Variants in SCEL observed in about 807,000 individuals in gnomAD.
SCEL encodes the protein sciellin.
A neutral mutation model predicts 117.6 loss-of-function variants in SCEL; 113 were observed. That is an observed-to-expected ratio of 0.96 (90% CI 0.83 to 1.12). The LOEUF is 1.12. SCEL is among the 50% of genes most tolerant of loss of function. The probability of loss-of-function intolerance (pLI) is 0.00; values close to 1 mark genes in which losing one functional copy is unlikely to be tolerated. For missense variants in SCEL, 785 were observed against 810.8 expected (o/e 0.97, Z 0.39); for synonymous variants, 270 against 256.2 (o/e 1.05, Z -0.51).
intron 1 of SCEL, among the ~76,000 whole-genome samples, chr13:77,550,394 A>ATATATATATATATATTATG (rs2084244624): frequency 6.9e-6 from 1 of 145,220 alleles, no homozygotes; most frequent in Admixed American, 6.9e-5. Context: ...TAAAATATAT[A>ATATATATATATATATTATG]TATATATATA....
intron 28 of SCEL, among the ~76,000 whole-genome samples, chr13:77,628,374 A>T (rs912410182): frequency 2.0e-5 from 3 of 151,950 alleles, no homozygotes; most frequent in Admixed American, 1.3e-4. Flanking sequence ...TTGCTTGGTA[A>T]GCTCTCAGCA....
chr13:77,567,325 G>A (rs1038563607), intron 5 of SCEL, among the ~76,000 whole-genome samples: 6 of 152,082 alleles, frequency 3.9e-5, no homozygotes, highest in Non-Finnish European at 8.8e-5. Flanking sequence ...GTAGGGGTGC[G>A]TGCCTGTAGT....
chr13:77,621,299 T>A (rs1458742773), intron 27 of SCEL, among the ~76,000 whole-genome samples: 1 of 152,206 alleles, frequency 6.6e-6, no homozygotes, highest in Admixed American at 6.5e-5. Flanking sequence ...ATCTGGCATC[T>A]ATGGGCTTTC....
chr13:77,568,664 C>G (rs979205696), intron 7 of SCEL, among the ~76,000 whole-genome samples: 2 of 152,032 alleles, frequency 1.3e-5, no homozygotes, highest in African/African-American at 4.8e-5. Context: ...TTAACCCTTC[C>G]TCCACACCTC....
At chr13:77,553,649 C>G (rs1220992406) in intron 1 of SCEL, among the ~76,000 whole-genome samples, 1 of 152,026 alleles carries the variant, frequency 6.6e-6, no homozygotes, top group Non-Finnish European at 1.5e-5. Flanking sequence ...TGCTCAGCTG[C>G]CCAAGTTCAA....
Position 77,603,078 on chromosome 13 carries a change from G to A in SCEL, c.1040G>A (p.Ser347Asn), listed in dbSNP as rs2087836611. 1 of 1,536,482 alleles carries A rather than the reference G, an allele frequency of 6.5e-7. No homozygotes were observed. The highest frequency in any genetic ancestry group is 8.8e-7 in the Non-Finnish European group (1 of 1,137,250). ...GATATAAACTTTTTTTTTTAAAGAAGTGAAGACCTTGATAATGCTACTGAA... is the reference window on the plus strand; with the variant it reads ...GATATAAACTTTTTTTTTTAAAGAAATGAAGACCTTGATAATGCTACTGAA... ...NARMNKTSRR[S>N]EDLDNATEVN... The change falls in exon 18 of 33, where the codon AGT becomes AAT. Residue 347 changes from serine to asparagine, a missense_variant and splice_region_variant. Transcript: ENST00000349847.
rs753902213 is a variant in SCEL at position 77,559,812 on chromosome 13, A to T, written c.170A>T (p.Asn57Ile). ...KKRPEEEKDENYGRVVLNRHN... is the reference protein window; with the variant it reads ...KKRPEEEKDEIYGRVVLNRHN... Reference sequence around the variant, plus strand: ...TTGTTCTTTCTTTGCAGAGATGAAAATTACGGTAGGGTGGTGCTCAACCGA... The same window carrying T: ...TTGTTCTTTCTTTGCAGAGATGAAATTTACGGTAGGGTGGTGCTCAACCGA... The change falls in exon 4 of 33, where the codon AAT becomes ATT. Residue 57 changes from asparagine to isoleucine, a missense_variant. Coordinates refer to ENST00000349847, the MANE Select transcript of SCEL (RefSeq NM_144777.3). The T allele has an allele frequency of 6.2e-6, 10 of 1,613,602 alleles. No individual in the cohort carries two copies. The Admixed American group carries it at 1.5e-4, about 24-fold the overall frequency.
intron 27 of SCEL, among the ~76,000 whole-genome samples, chr13:77,622,043 A>G (rs772985889): frequency 1.3e-5 from 2 of 152,202 alleles, no homozygotes; most frequent in Admixed American, 6.5e-5. Context: ...CCATTTTGCT[A>G]TGTTAATAAG....
At chr13:77,578,479 C>T (rs756274821) in intron 9 of SCEL, among the ~76,000 whole-genome samples, 5 of 152,048 alleles carry the variant, frequency 3.3e-5, no homozygotes, top group Non-Finnish European at 5.9e-5. Flanking sequence ...TGGCCCCAAA[C>T]GTTGGAGAAT....
At chr13:77,613,045 A>G (rs1351420260) in intron 23 of SCEL, 104 bp downstream of exon 23, 2 of 661,150 alleles carry the variant, frequency 3.0e-6, no homozygotes, top group African/African-American at 3.9e-5. Flanking sequence ...GGGACATGAA[A>G]AAAAATGAGA....
chr13:77,555,888 AC>A lies in SCEL; in HGVS notation c.15del (p.Leu6Ter). 1 of 1,613,156 alleles carries A rather than the reference AC, an allele frequency of 6.2e-7. No homozygotes were observed. The highest frequency in any genetic ancestry group is 1.7e-5 in the Admixed American group (1 of 60,022). On this transcript the variant is annotated frameshift_variant, in exon 2 of 33. Transcript: ENST00000349847. LOFTEE classifies it high-confidence loss of function. MSNV[T>X]LRKMSPTGNE... ...ACTGGAAGGCAGCATGTCCAATGTT[AC>A]CTTGAGAAAAATGTCTCCCACAGGA...
chr13:77,631,601 T>G (rs778662009), intron 28 of SCEL, among the ~76,000 whole-genome samples: 4 of 152,244 alleles, frequency 2.6e-5, no homozygotes, highest in Non-Finnish European at 5.9e-5. Flanking sequence ...GTGTCATCTT[T>G]GGAATTTTTC....
At position 77,627,984 on chromosome 13, in the gene SCEL, C is replaced by T. The variant is rs760772212; in HGVS notation, c.1666C>T (p.His556Tyr). ...NLENLIEVNS[H>Y]VSENKNGSSN... ...GGAAAATTTAATTGAAGTAAATTCT[C>T]ATGTGTCTGAAAACAAGAATGGAAG... is the stretch of plus-strand genomic sequence containing the variant. Residue 556 changes from histidine to tyrosine, a missense_variant, in exon 28 of 33, where the codon CAT (histidine) becomes TAT (tyrosine). His to Tyr is a moderately conservative substitution (Grantham distance 83, BLOSUM62 2). Transcript: ENST00000349847. 6.6e-7 allele frequency: 1 copy of T among 1,508,590 alleles called. No homozygotes were observed. The highest frequency in any genetic ancestry group is 1.8e-5 in the Admixed American group (1 of 56,190). The allele number at this position is 1,508,590 out of a possible 1,614,324, so 93.5% of individuals were successfully genotyped here.
chr13:77,599,376 A>G lies in SCEL; in HGVS notation c.845A>G (p.Glu282Gly), dbSNP rs746814987. ...SLFRANPKVE[E>G]REKRAKSLES... is the part of the protein sequence containing the mutation. ...TTCAGAGCAAATCCAAAGGTAGAAG[A>G]AAGAGAGAAAAGGTAAGTGCATCTG... Residue 282 changes from glutamate (E) to glycine (G), a missense_variant, in exon 14 of 33, where the codon GAA (glutamate) becomes GGA (glycine). Glu to Gly is a moderately conservative substitution (Grantham distance 98, BLOSUM62 -2). Coordinates refer to ENST00000349847, the MANE Select transcript of SCEL (RefSeq NM_144777.3). The G allele has an allele frequency of 6.2e-7, 1 of 1,612,196 alleles. No individual in the cohort carries two copies. Among genetic ancestry groups the G allele is most frequent in the Non-Finnish European group, 8.5e-7 (1 of 1,178,602 alleles).
chr13:77,550,665 G>C (rs1344348401), intron 1 of SCEL, among the ~76,000 whole-genome samples: 1 of 152,016 alleles, frequency 6.6e-6, no homozygotes, highest in African/African-American at 2.4e-5. Context: ...AATGTTTCAA[G>C]TTTCATCCAC....
At chr13:77,610,607 T>G (rs1241288357) in intron 22 of SCEL, among the ~76,000 whole-genome samples, 1 of 152,214 alleles carries the variant, frequency 6.6e-6, no homozygotes, top group Non-Finnish European at 1.5e-5. Context: ...AAGACAGGAA[T>G]GATCTCTTAC....
rs1308396130 is a variant in SCEL, at chr13:77,625,535, C to T, written c.1629-2412C>T. Among the ~76,000 whole-genome samples, 5 of 152,106 alleles carry T rather than the reference C, an allele frequency of 3.3e-5. No homozygotes were observed. The East Asian group carries it at 9.6e-4, about 29-fold the overall frequency. ...ACTTCTGAAACCTAGTACTTTTTAC[C>T]TGCATTAATTGGCATAGTTCCACTG... On this transcript the variant is annotated intron_variant, in intron 27 of 32. Coordinates refer to ENST00000349847, the MANE Select transcript of SCEL (RefSeq NM_144777.3).
intron 27 of SCEL, among the ~76,000 whole-genome samples, chr13:77,623,702 A>G (rs557932495): frequency 6.6e-6 from 1 of 152,220 alleles, no homozygotes; most frequent in Non-Finnish European, 1.5e-5. Flanking sequence ...TCAGATCCAA[A>G]CCATTCTTTC....
At chr13:77,556,444 T>G (rs2084661164) in intron 2 of SCEL, 152 bp from the exon 3 acceptor site, 4 of 663,302 alleles carry the variant, frequency 6.0e-6, no homozygotes. Flanking sequence ...TGTTCTTTCT[T>G]GCTGGTGCAT....
Sources: gnomAD v4.1 joint callset for allele counts (sites outside exome capture counted in the v4.1 genomes callset) on GRCh38, gnomAD v4.1.1 for gene constraint, MANE v1.5 for transcripts, NCBI Gene and HGNC (gene_info 2026-07-23, HGNC 2026-07-21) for gene names.